UNC13C: variants seen among roughly 807,000 people sequenced by gnomAD.
UNC13C encodes the protein unc-13 homolog C, also known as protein unc-13 homolog C.
In UNC13C, 174 loss-of-function variants were observed where a neutral mutation model predicts 245.4. That is an observed-to-expected ratio of 0.71 (90% CI 0.63 to 0.80). The LOEUF (loss-of-function observed/expected upper bound fraction) is 0.80. Ranked by LOEUF, UNC13C falls within the 30% of genes least tolerant of loss-of-function variation. UNC13C has a pLI of 0.00. For missense variants in UNC13C, 2,829 were observed against 2,602.9 expected (o/e 1.09, Z -1.89); for synonymous variants, 992 against 895.1 (o/e 1.11, Z -1.93).
chr15:54,470,979 G>C (rs1892432500), intron 19 of UNC13C, among the ~76,000 whole-genome samples: 1 of 150,782 alleles, frequency 6.6e-6, no homozygotes, highest in Non-Finnish European at 1.5e-5. Flanking sequence ...AGTTTTTTAG[G>C]AGCACATTGT....
At position 54,322,835 on chromosome 15, in the gene UNC13C, A is replaced by G. The variant is rs571295291; in HGVS notation, c.4425+740A>G. On this transcript the variant is annotated intron_variant, in intron 14 of 32. Transcript: ENST00000260323. Reference sequence around the variant, plus strand: ...TGGAGATGGAGAAGAGAGGATAGATACCAAAGGTTTTCAGGGCATAAAATC... The same window carrying G: ...TGGAGATGGAGAAGAGAGGATAGATGCCAAAGGTTTTCAGGGCATAAAATC... Among the ~76,000 whole-genome samples, 6 of 152,136 alleles carry G rather than the reference A, an allele frequency of 3.9e-5. No individual in the cohort carries two copies. The East Asian group carries it at 1.2e-3, about 30-fold the overall frequency.
intron 17 of UNC13C, among the ~76,000 whole-genome samples, chr15:54,367,891 T>C (rs747744668): frequency 5.9e-5 from 9 of 152,200 alleles, no homozygotes; most frequent in Admixed American, 1.3e-4. Context: ...GTTTGTACTT[T>C]ATTTACGTTT....
chr15:54,317,459 T>G (rs2038038577), intron 13 of UNC13C, among the ~76,000 whole-genome samples: 1 of 151,942 alleles, frequency 6.6e-6, no homozygotes, highest in Admixed American at 6.6e-5. Flanking sequence ...AGATATTTGC[T>G]TAACCATCTC....
intron 4 of UNC13C, among the ~76,000 whole-genome samples, chr15:54,202,174 A>G (rs1188433269): frequency 6.6e-6 from 1 of 152,036 alleles, no homozygotes; most frequent in African/African-American, 2.4e-5. Flanking sequence ...CTTAGATGAC[A>G]CCAACAAATG....
At chr15:54,312,091 T>C (rs1435621032) in intron 13 of UNC13C, among the ~76,000 whole-genome samples, 2 of 151,858 alleles carry the variant, frequency 1.3e-5, no homozygotes, top group African/African-American at 4.8e-5. Flanking sequence ...ATGTACATTT[T>C]TTAAATAACA....
the UNC13C span, among the ~76,000 whole-genome samples, chr15:53,890,617 A>G: frequency 5.9e-5 from 9 of 152,274 alleles, no homozygotes; most frequent in Admixed American, 3.9e-4. Context: ...CCAGGAATTT[A>G]TCCATTTCTT....
chr15:54,288,415 G>C (rs1449495154), intron 10 of UNC13C, among the ~76,000 whole-genome samples: 2 of 152,002 alleles, frequency 1.3e-5, no homozygotes, highest in African/African-American at 4.8e-5. Flanking sequence ...TCCATTATCT[G>C]CAATATCCAT....
chr15:54,464,888 T>C (rs1340445777), intron 19 of UNC13C, among the ~76,000 whole-genome samples: 1 of 152,018 alleles, frequency 6.6e-6, no homozygotes, highest in Non-Finnish European at 1.5e-5. Context: ...GCTTTTTTTT[T>C]TTTAACCTCT....
intron 29 of UNC13C, among the ~76,000 whole-genome samples, chr15:54,557,325 CCTG>C (rs1189164014): frequency 6.6e-6 from 1 of 151,890 alleles, no homozygotes; most frequent in African/African-American, 2.4e-5. Flanking sequence ...GCCTGCTGTG[CCTG>C]CTATTAGACT....
At chr15:54,550,935 A>G (rs1356348830) in intron 28 of UNC13C, among the ~76,000 whole-genome samples, 1 of 152,196 alleles carries the variant, frequency 6.6e-6, no homozygotes, top group African/African-American at 2.4e-5. Flanking sequence ...CATGCATCTA[A>G]TATCTGTGTG....
At chr15:54,333,242 C>G (rs1254401550) in intron 15 of UNC13C, among the ~76,000 whole-genome samples, 2 of 152,020 alleles carry the variant, frequency 1.3e-5, no homozygotes, top group Non-Finnish European at 2.9e-5. Flanking sequence ...AATGATGCTT[C>G]TCATCAAACC....
intron 19 of UNC13C, among the ~76,000 whole-genome samples, chr15:54,435,026 T>C (rs2140981080): frequency 6.6e-6 from 1 of 152,052 alleles, no homozygotes; most frequent in African/African-American, 2.4e-5. Context: ...AAAACCAAAA[T>C]GAGATACCAT....
At chr15:54,069,334 G>T (rs1294716649) in intron 2 of UNC13C, among the ~76,000 whole-genome samples, 2 of 152,142 alleles carry the variant, frequency 1.3e-5, no homozygotes, top group African/African-American at 2.4e-5. Context: ...GAAGCCTCGT[G>T]TACTGTCTCC....
At chr15:54,484,752 G>C (rs916459802) in intron 19 of UNC13C, among the ~76,000 whole-genome samples, 4 of 151,978 alleles carry the variant, frequency 2.6e-5, no homozygotes, top group Non-Finnish European at 5.9e-5. Flanking sequence ...AATTCCTACA[G>C]TTTGTTTTTG....
intron 30 of UNC13C, among the ~76,000 whole-genome samples, chr15:54,619,826 TAAG>T (rs1566943529): frequency 6.6e-6 from 1 of 152,164 alleles, no homozygotes; most frequent in Non-Finnish European, 1.5e-5. Context: ...GGCATTCTGT[TAAG>T]GAGAAAAATC....
At chr15:54,511,860 A>T in intron 24 of UNC13C, 30 bp downstream of exon 24, 1 of 1,514,048 alleles carries the variant, frequency 6.6e-7, no homozygotes, top group Non-Finnish European at 9.1e-7. Context: ...ACATTTGCTA[A>T]AAACCTACTT....
intron 19 of UNC13C, among the ~76,000 whole-genome samples, chr15:54,456,151 G>A (rs535396370): frequency 3.7e-4 from 57 of 152,102 alleles, no homozygotes; most frequent in African/African-American, 1.3e-3. Context: ...CCGAGCATCA[G>A]TTGGCTGTGA....
At chr15:53,855,996 A>G in the UNC13C span, among the ~76,000 whole-genome samples, 1 of 151,956 alleles carries the variant, frequency 6.6e-6, no homozygotes, top group South Asian at 2.1e-4. Flanking sequence ...CAGGAATGCA[A>G]TTTCTTCTTG....
intron 10 of UNC13C, among the ~76,000 whole-genome samples, chr15:54,293,357 C>T (rs949911099): frequency 6.6e-6 from 1 of 152,090 alleles, no homozygotes; most frequent in East Asian, 1.9e-4. Flanking sequence ...GACTAGAATG[C>T]ACAGTTTGTT....
Sources: allele counts gnomAD v4.1 joint callset (sites outside exome capture counted in the v4.1 genomes callset), GRCh38; gene constraint gnomAD v4.1.1; transcripts MANE v1.5; gene names NCBI Gene and HGNC (gene_info 2026-07-23, HGNC 2026-07-21).